The following CNPY3 variants were observed in gnomAD, a reference collection of about 807,000 sequenced individuals.
The protein encoded by CNPY3 is protein canopy homolog 3.
A neutral mutation model predicts 32.0 loss-of-function variants in CNPY3; 20 were observed. The observed-to-expected ratio is 0.63, with a 90% CI of 0.44 to 0.91. The LOEUF (loss-of-function observed/expected upper bound fraction) is 0.91. Ranked by LOEUF, CNPY3 falls within the 40% of genes least tolerant of loss-of-function variation. The pLI, the probability that CNPY3 is intolerant of heterozygous loss-of-function variation, is 0.00. For missense variants in CNPY3, 299 were observed against 340.8 expected (o/e 0.88, Z 0.97); for synonymous variants, 138 against 142.9 (o/e 0.97, Z 0.24).
At chr6:42,929,441 G>A (rs1767581333), upstream of CNPY3, 4 of 985,696 alleles carry the variant, frequency 4.1e-6, no homozygotes, top group Non-Finnish European at 5.8e-6. Flanking sequence ...AGGGCGGGCG[G>A]GAGGCTAGCT....
intron 3 of CNPY3, among the ~76,000 whole-genome samples, chr6:42,936,360 TA>T (rs1314375050): frequency 6.6e-6 from 1 of 152,178 alleles, no homozygotes; most frequent in African/African-American, 2.4e-5. Context: ...TTTGCTTTAA[TA>T]AAAAGTGTTT....
intron 1 of CNPY3, among the ~76,000 whole-genome samples, chr6:42,934,023 G>A (rs1446898854): frequency 6.6e-6 from 1 of 152,110 alleles, no homozygotes; most frequent in East Asian, 1.9e-4. Context: ...TACAGAATTA[G>A]CCGTGCATGG....
chr6:42,929,735 G>T lies in CNPY3; in HGVS notation c.151+14G>T, dbSNP rs996810732. 12 of 1,540,554 alleles carry T rather than the reference G, an allele frequency of 7.8e-6. No homozygotes were observed. In the East Asian group the frequency reaches 2.2e-4, roughly 28 times the overall value. ...GCAAATGCGAAGGTGAGGAGGCGGGGCCCGTGGGGCGTATCCTGCCGGAGG... is the reference window on the plus strand; with the variant it reads ...GCAAATGCGAAGGTGAGGAGGCGGGTCCCGTGGGGCGTATCCTGCCGGAGG... On this transcript the variant is annotated intron_variant, in intron 1 of 5. Transcript: ENST00000372836.
rs764751171 is a variant in CNPY3, at chr6:42,929,604, C to T, written c.34C>T (p.Leu12Phe). Residue 12 changes from leucine (L) to phenylalanine (F), a missense_variant, in exon 1 of 6, where the codon CTT (leucine) becomes TTT (phenylalanine). Coordinates refer to ENST00000372836, the MANE Select transcript of CNPY3 (RefSeq NM_006586.5). ...DSMPEPASRC[L>F]LLLPLLLLLL... Reference sequence around the variant, plus strand: ...AATGCCTGAGCCCGCGTCCCGCTGTCTTCTGCTTCTTCCCTTGCTGCTGCT... The same window carrying T: ...AATGCCTGAGCCCGCGTCCCGCTGTTTTCTGCTTCTTCCCTTGCTGCTGCT... 1.3e-6 allele frequency: 2 copies of T among 1,569,864 alleles called. No individual in the cohort carries two copies. Among genetic ancestry groups the T allele is most frequent in the Non-Finnish European group, 1.7e-6 (2 of 1,158,310 alleles).
rs1292446751 is a variant in CNPY3, at chr6:42,929,626, T to C, written c.56T>C (p.Leu19Pro). The C allele has an allele frequency of 3.2e-6, 5 of 1,553,176 alleles. No homozygotes were observed. The highest frequency in any genetic ancestry group is 4.3e-6 in the Non-Finnish European group (5 of 1,149,762). The change falls in exon 1 of 6, where the codon CTG becomes CCG. Residue 19 changes from leucine (L) to proline (P), a missense_variant. By Grantham distance (98) the Leu-to-Pro change is moderately conservative. Around this residue, in one of 2 missense-constraint regions of CNPY3, gnomAD observed 88 missense variants for 62.5 expected, o/e 1.41. Coordinates refer to ENST00000372836, the MANE Select transcript of CNPY3 (RefSeq NM_006586.5). ...TGTCTTCTGCTTCTTCCCTTGCTGC[T>C]GCTGCTGCTGCTGCTGCTGCCGGCC... ...SRCLLLLPLLLLLLLLLPAPE... is the reference protein window; with the variant it reads ...SRCLLLLPLLPLLLLLLPAPE...
At chr6:42,938,304 G>C (rs1768377094) in intron 5 of CNPY3, 97 bp downstream of exon 5, 3 of 960,420 alleles carry the variant, frequency 3.1e-6, no homozygotes, top group Non-Finnish European at 5.1e-6. Context: ...GCACCAGAGG[G>C]CATTGTAGGA....
intron 2 of CNPY3, among the ~76,000 whole-genome samples, chr6:42,935,123 C>T (rs1768124011): frequency 6.6e-6 from 1 of 152,178 alleles, no homozygotes; most frequent in African/African-American, 2.4e-5. Flanking sequence ...CTGCCTCGGC[C>T]TCCCAAAGTG....
intron 3 of CNPY3, among the ~76,000 whole-genome samples, chr6:42,936,196 T>C (rs1484558649): frequency 7.5e-6 from 1 of 133,862 alleles, no homozygotes; most frequent in African/African-American, 3.2e-5. Context: ...ACATCTTCAG[T>C]GCCTGGCACA....
At chr6:42,931,964 C>T (rs1381152522) in intron 1 of CNPY3, among the ~76,000 whole-genome samples, 1 of 152,130 alleles carries the variant, frequency 6.6e-6, no homozygotes, top group East Asian at 1.9e-4. Context: ...CTCAGGTGAT[C>T]CTCCCACCTC....
chr6:42,934,616 C>T lies in CNPY3; in HGVS notation c.275+18C>T. On this transcript the variant is annotated intron_variant, in intron 2 of 5. Coordinates refer to ENST00000372836, the MANE Select transcript of CNPY3 (RefSeq NM_006586.5). The stretch of plus-strand genomic sequence containing the variant: ...ACCAAGTCGTAAGTGAATGGGGACT[C>T]ACTGGCCTGGCCTGCGTTGCTGCTG... 3 of 1,613,300 alleles carry T rather than the reference C, an allele frequency of 1.9e-6. No individual in the cohort carries two copies. Among genetic ancestry groups the T allele is most frequent in the Non-Finnish European group, 2.5e-6 (3 of 1,179,866 alleles).
chr6:42,928,514 G>A (rs1767526942), upstream of CNPY3, among the ~76,000 whole-genome samples: 1 of 151,446 alleles, frequency 6.6e-6, no homozygotes, highest in African/African-American at 2.4e-5. Context: ...CAACTCCTGG[G>A]CTCAGGTGAT....
upstream of CNPY3, among the ~76,000 whole-genome samples, chr6:42,928,216 T>C (rs182588352): frequency 6.6e-6 from 1 of 152,288 alleles, no homozygotes; most frequent in African/African-American, 2.4e-5. Context: ...CTTGAACTCC[T>C]GACCTCGTGA....
chr6:42,939,211 C>T lies in CNPY3; in HGVS notation c.*420C>T. The T allele has an allele frequency of 6.0e-6, 6 of 1,000,426 alleles. No individual in the cohort carries two copies. Among genetic ancestry groups the T allele is most frequent in the Non-Finnish European group, 7.1e-6 (6 of 840,452 alleles). 62.0% of individuals were successfully genotyped at this position (1,000,426 alleles called of 1,614,324 possible). A position where few individuals can be genotyped will look rare whatever the true frequency, so the allele number is the denominator to read the frequency against. ...GCTTACCCCTCCTGTGGACACCTTG[C>T]ACTCTGCCTGGCCCTTCCCAGAGCC... On this transcript the variant is annotated 3_prime_UTR_variant, in exon 6 of 6. Coordinates refer to ENST00000372836, the MANE Select transcript of CNPY3 (RefSeq NM_006586.5).
At chr6:42,934,668 T>C (rs558704547) in intron 2 of CNPY3, 70 bp downstream of exon 2, 1 of 1,598,002 alleles carries the variant, frequency 6.3e-7, no homozygotes, top group South Asian at 1.1e-5. Flanking sequence ...GGAGTTCCCT[T>C]CTCCTAGCTA....
At chr6:42,937,291 G>C (rs559771271) in intron 3 of CNPY3, among the ~76,000 whole-genome samples, 1 of 152,254 alleles carries the variant, frequency 6.6e-6, no homozygotes, top group East Asian at 1.9e-4. Context: ...AGGCCTAAAA[G>C]AGGGAAGAGG....
intron 1 of CNPY3, among the ~76,000 whole-genome samples, chr6:42,931,838 C>T (rs147777854): frequency 0.041 from 6,292 of 152,112 alleles, 411 homozygotes; most frequent in African/African-American, 0.14. Flanking sequence ...ATTCTCCTGC[C>T]TCAACCTCCT....
intron 3 of CNPY3, among the ~76,000 whole-genome samples, chr6:42,936,659 C>G (rs753435918): frequency 1.7e-4 from 26 of 152,268 alleles, no homozygotes; most frequent in Non-Finnish European, 3.4e-4. Flanking sequence ...CCTCAGCCTC[C>G]TGAGTAGCTG....
In CNPY3 at chr6:42,934,399, G is replaced by A. The variant is rs547525951; in HGVS notation, c.152-76G>A. ...CCAGTCTAGGAAAGGATGCCCACCT[G>A]GATCTGTTTTGCTGGGAGCTGGCCT... On this transcript the variant is annotated intron_variant, in intron 1 of 5. Transcript: ENST00000372836. The A allele has an allele frequency of 1.1e-5, 18 of 1,582,606 alleles. No homozygotes were observed. The Admixed American group carries it at 2.5e-4, about 22-fold the overall frequency.
intron 1 of CNPY3, among the ~76,000 whole-genome samples, chr6:42,932,233 C>T (rs773267148): frequency 6.6e-6 from 1 of 152,192 alleles, no homozygotes; most frequent in Non-Finnish European, 1.5e-5. Context: ...AAGGGATTTG[C>T]AGTCACAGGA....
Sources: gnomAD v4.1 joint callset for allele counts (sites outside exome capture counted in the v4.1 genomes callset) on GRCh38, gnomAD v4.1.1 for gene constraint, gnomAD v4.1.1 regional missense constraint, MANE v1.5 for transcripts, NCBI Gene and HGNC (gene_info 2026-07-23, HGNC 2026-07-21) for gene names.